Variants in CPQ observed in about 807,000 individuals in gnomAD.
CPQ encodes the protein Ser-Met dipeptidase.
CPQ carries 37 observed loss-of-function variants against 45.7 expected under a neutral mutation model. The observed-to-expected ratio is 0.81, with a 90% CI of 0.62 to 1.07. CPQ has a LOEUF of 1.07. CPQ is among the 50% of genes least tolerant of loss of function. The pLI, the probability that CPQ is intolerant of heterozygous loss-of-function variation, is 0.00. For synonymous variants in CPQ, 186 were observed against 205.8 expected, an observed-to-expected ratio of 0.90 and a Z score of 0.82; for missense variants, 537 against 572.9, an observed-to-expected ratio of 0.94 and a Z score of 0.64.
At chr8:96,780,011 GAAGGAGGC>G (rs1810666916) in intron 1 of CPQ, among the ~76,000 whole-genome samples, 1 of 152,164 alleles carries the variant, frequency 6.6e-6, no homozygotes, top group Non-Finnish European at 1.5e-5. Flanking sequence ...GCTTAGTTGT[GAAGGAGGC>G]AAGGCCAGTA....
intron 1 of CPQ, among the ~76,000 whole-genome samples, chr8:96,742,866 C>T (rs1041961656): frequency 9.9e-5 from 15 of 152,058 alleles, no homozygotes; most frequent in Non-Finnish European, 2.1e-4. Flanking sequence ...GATGGGCTTC[C>T]CTTTGAGGGT....
intron 7 of CPQ, among the ~76,000 whole-genome samples, chr8:97,109,333 T>C (rs1251054548): frequency 1.3e-5 from 2 of 152,184 alleles, no homozygotes; most frequent in South Asian, 2.1e-4. Context: ...CCCTTTCAGA[T>C]TCTCTATAGT....
intron 3 of CPQ, among the ~76,000 whole-genome samples, chr8:96,846,199 C>A (rs962959720): frequency 6.6e-6 from 1 of 152,146 alleles, no homozygotes; most frequent in Non-Finnish European, 1.5e-5. Flanking sequence ...CACATTCTTG[C>A]CAAAATTTAA....
At chr8:96,939,059 G>A (rs1813090383) in intron 4 of CPQ, among the ~76,000 whole-genome samples, 1 of 152,142 alleles carries the variant, frequency 6.6e-6, no homozygotes, top group African/African-American at 2.4e-5. Context: ...TTATGTATAT[G>A]TAATAGTTGG....
At chr8:97,029,707 C>A (rs117323344) in intron 6 of CPQ, among the ~76,000 whole-genome samples, 5,360 of 150,532 alleles carry the variant, frequency 0.036, 124 homozygotes, top group Non-Finnish European at 0.053. Context: ...TTCTTCTACA[C>A]CACAGTCTGA....
rs77538978 is a variant in CPQ at position 97,115,554 on chromosome 8, C to T, written c.1256-27466C>T. Among the ~76,000 whole-genome samples, 221 of 152,296 alleles carry T rather than the reference C, an allele frequency of 1.5e-3. 3 individuals are homozygous for T. In the East Asian group the frequency reaches 0.038, roughly 26 times the overall value. The stretch of plus-strand genomic sequence containing the variant: ...ACCAGACTTCATGGCAATTTGAAAA[C>T]GTCTGTGCCATTTTTAAATTTGTTC... On this transcript the variant is annotated intron_variant, in intron 7 of 7. Transcript: ENST00000220763.
intron 4 of CPQ, among the ~76,000 whole-genome samples, chr8:96,964,173 T>TACACACACACACACACAC (rs71267285): frequency 2.8e-4 from 37 of 133,460 alleles, no homozygotes; most frequent in African/African-American, 1.0e-3. Flanking sequence ...GGTTAAAGTA[T>TACACACACACACACACAC]ACACACACAC....
intron 2 of CPQ, among the ~76,000 whole-genome samples, chr8:96,802,075 T>G (rs2130822898): frequency 1.3e-5 from 2 of 152,300 alleles, no homozygotes; most frequent in Middle Eastern, 6.8e-3. Context: ...TAATCACCTC[T>G]TTCTTTCTCT....
chr8:96,776,582 A>G (rs1404415197), intron 1 of CPQ, among the ~76,000 whole-genome samples: 1 of 152,162 alleles, frequency 6.6e-6, no homozygotes, highest in Non-Finnish European at 1.5e-5. Flanking sequence ...TTTAGGAGAA[A>G]TATTTAGAAA....
At chr8:97,114,461 C>A (rs1163711901) in intron 7 of CPQ, among the ~76,000 whole-genome samples, 6 of 152,164 alleles carry the variant, frequency 3.9e-5, no homozygotes, top group Non-Finnish European at 8.8e-5. Flanking sequence ...TTAAGTGAGA[C>A]AATATGTGGA....
At chr8:96,816,768 G>A (rs1245481830) in intron 2 of CPQ, among the ~76,000 whole-genome samples, 2 of 152,164 alleles carry the variant, frequency 1.3e-5, no homozygotes, top group African/African-American at 4.8e-5. Flanking sequence ...GAACTCCTGA[G>A]TGAACAGGTG....
intron 1 of CPQ, among the ~76,000 whole-genome samples, chr8:96,657,370 C>T (rs1815650425): frequency 6.6e-6 from 1 of 152,082 alleles, no homozygotes; most frequent in African/African-American, 2.4e-5. Flanking sequence ...CTCTGTGTGT[C>T]ACCATGCTGA....
At chr8:96,888,300 G>C (rs923459560) in intron 4 of CPQ, among the ~76,000 whole-genome samples, 61 of 152,098 alleles carry the variant, frequency 4.0e-4, no homozygotes, top group African/African-American at 1.3e-3. Flanking sequence ...TTTGGTTCTG[G>C]TTTTATTTCT....
chr8:97,134,092 A>T (rs1353663156), intron 7 of CPQ, among the ~76,000 whole-genome samples: 2 of 152,192 alleles, frequency 1.3e-5, no homozygotes, highest in Admixed American at 6.5e-5. Flanking sequence ...TACTTACCAT[A>T]AGTTGCTGTA....
In CPQ at chr8:96,657,091, A is replaced by C. The variant is rs539318260; in HGVS notation, c.-35+11689A>C. On this transcript the variant is annotated intron_variant, in intron 1 of 7. Coordinates refer to ENST00000220763, the MANE Select transcript of CPQ (RefSeq NM_016134.4). ...GCTGGGCACAGTGGCTCACGCCTGT[A>C]ATCCCAGCACTTTGGGAGGCCGAGG... 1.1e-3 allele frequency among the ~76,000 whole-genome samples: 170 copies of C among 152,000 alleles called. 3 individuals carry two copies. In the South Asian group the frequency reaches 0.014, roughly 13 times the overall value.
intron 5 of CPQ, among the ~76,000 whole-genome samples, chr8:96,979,209 G>T (rs1331858507): frequency 1.3e-5 from 2 of 152,126 alleles, no homozygotes; most frequent in Non-Finnish European, 2.9e-5. Context: ...CAAAGCTAAA[G>T]GTTGGAGTTG....
chr8:97,113,597 C>T (rs1811535587), intron 7 of CPQ, among the ~76,000 whole-genome samples: 1 of 152,128 alleles, frequency 6.6e-6, no homozygotes, highest in African/African-American at 2.4e-5. Flanking sequence ...TGGAGCAAAC[C>T]TCTGTGGTGC....
chr8:97,005,811 C>T (rs536592053), intron 5 of CPQ, among the ~76,000 whole-genome samples: 2 of 152,252 alleles, frequency 1.3e-5, no homozygotes, highest in South Asian at 4.1e-4. Flanking sequence ...TGAGTATATA[C>T]AGTTGTGCTA....
At chr8:96,648,811 A>G (rs1815546467) in intron 1 of CPQ, among the ~76,000 whole-genome samples, 1 of 152,196 alleles carries the variant, frequency 6.6e-6, no homozygotes, top group Non-Finnish European at 1.5e-5. Context: ...ATGGAGAACA[A>G]CAAGAGCAAG....
Sources: allele counts gnomAD v4.1 joint callset (sites outside exome capture counted in the v4.1 genomes callset), GRCh38; gene constraint gnomAD v4.1.1; transcripts MANE v1.5; gene names NCBI Gene and HGNC (gene_info 2026-07-23, HGNC 2026-07-21).